The following CACNA2D3 variants were observed in gnomAD, a reference collection of about 807,000 sequenced individuals.
CACNA2D3 encodes the protein voltage-dependent calcium channel subunit alpha-2/delta-3.
CACNA2D3 carries 60 observed loss-of-function variants against 160.6 expected under a neutral mutation model. That is an observed-to-expected ratio of 0.37 (90% CI 0.30 to 0.46). The LOEUF is 0.46. Among genes scored for constraint, CACNA2D3 ranks in the 20% least tolerant of loss-of-function variants. The pLI, the probability that CACNA2D3 is intolerant of heterozygous loss-of-function variation, is 1.00. For synonymous variants in CACNA2D3, 558 were observed against 492.9 expected (o/e 1.13, Z -1.75); for missense variants, 1,205 against 1,365.0 (o/e 0.88, Z 1.85).
chr3:54,638,270 A>G (rs1699423632), intron 10 of CACNA2D3: 1 of 152,056 alleles, frequency 6.6e-6, no homozygotes, highest in Non-Finnish European at 1.5e-5. Context: ...CGAGCCATGA[A>G]CTGGGCTAGA....
intron 27 of CACNA2D3, among the ~76,000 whole-genome samples, chr3:54,933,811 C>T (rs1246697467): frequency 6.6e-6 from 1 of 150,604 alleles, no homozygotes; most frequent in African/African-American, 2.4e-5. Flanking sequence ...CAGGCCACTG[C>T]AGGCTAGAGT....
intron 11 of CACNA2D3, among the ~76,000 whole-genome samples, chr3:54,749,050 C>A (rs1367917601): frequency 6.6e-6 from 1 of 152,186 alleles, no homozygotes; most frequent in African/African-American, 2.4e-5. Flanking sequence ...AACATTTATT[C>A]TTCCTATGTT....
intron 11 of CACNA2D3, among the ~76,000 whole-genome samples, chr3:54,736,048 C>CATATATATATGTATATATAT (rs1312006818): frequency 2.9e-5 from 1 of 35,052 alleles, no homozygotes; most frequent in South Asian, 7.8e-4. Context: ...TATATATACA[C>CATATATATATGTATATATAT]ATACATATGT....
chr3:54,435,138 G>T (rs1235041205), intron 4 of CACNA2D3, among the ~76,000 whole-genome samples: 1 of 152,050 alleles, frequency 6.6e-6, no homozygotes, highest in East Asian at 1.9e-4. Flanking sequence ...GGGACTCAGT[G>T]GGTTTCCACT....
intron 17 of CACNA2D3, among the ~76,000 whole-genome samples, chr3:54,857,648 A>C (rs1699202129): frequency 6.6e-6 from 1 of 152,186 alleles, no homozygotes; most frequent in Non-Finnish European, 1.5e-5. Context: ...ATCCCTGTCA[A>C]ATAAAAACTT....
At position 54,562,676 on chromosome 3, in the gene CACNA2D3, C is replaced by A. The variant is rs925666382; in HGVS notation, c.545-124C>A. On this transcript the variant is annotated intron_variant, in intron 5 of 37. Coordinates refer to ENST00000474759, the MANE Select transcript of CACNA2D3 (RefSeq NM_018398.3). ...CTAAACGTTTTTGTGGCTATAACTTCCTTCATAGCCTCCTGCAAGATGGAG... is the reference window on the plus strand; with the variant it reads ...CTAAACGTTTTTGTGGCTATAACTTACTTCATAGCCTCCTGCAAGATGGAG... 1.7e-5 allele frequency: 13 copies of A among 774,476 alleles called. No individual in the cohort carries two copies. In the South Asian group the frequency reaches 2.3e-4, roughly 14 times the overall value. 48.0% of individuals were successfully genotyped at this position (774,476 alleles called of 1,614,324 possible). A position where few individuals can be genotyped will look rare whatever the true frequency, so the allele number is the denominator to read the frequency against.
At chr3:54,749,872 A>T (rs1701826028) in intron 11 of CACNA2D3, among the ~76,000 whole-genome samples, 1 of 152,170 alleles carries the variant, frequency 6.6e-6, no homozygotes, top group East Asian at 1.9e-4. Context: ...CAATGAAACA[A>T]ATATAATACC....
In CACNA2D3 at chr3:54,919,111, G is replaced by T. The variant is rs533255467; in HGVS notation, c.2449+19243G>T. Reference sequence around the variant, plus strand: ...ACACACTAAATTGGCAATTACTTATGACCAAGAATTCATTAGAAGCCCAGT... The same window carrying T: ...ACACACTAAATTGGCAATTACTTATTACCAAGAATTCATTAGAAGCCCAGT... On this transcript the variant is annotated intron_variant, in intron 27 of 37. Coordinates refer to ENST00000474759, the MANE Select transcript of CACNA2D3 (RefSeq NM_018398.3). 9.9e-5 allele frequency among the ~76,000 whole-genome samples: 15 copies of T among 152,028 alleles called. No homozygotes were observed. The South Asian group carries it at 3.1e-3, about 32-fold the overall frequency.
intron 2 of CACNA2D3, among the ~76,000 whole-genome samples, chr3:54,160,564 C>T (rs1248595959): frequency 1.3e-5 from 2 of 152,260 alleles, no homozygotes; most frequent in Non-Finnish European, 1.5e-5. Context: ...AGAGCCCCAG[C>T]TCTAGAATGG....
At chr3:54,485,475 G>C (rs983767648) in intron 4 of CACNA2D3, among the ~76,000 whole-genome samples, 3 of 152,212 alleles carry the variant, frequency 2.0e-5, no homozygotes, top group East Asian at 3.9e-4. Context: ...GAGCCGTCTA[G>C]CAATCAGTGT....
chr3:54,948,107 C>T (rs955121387), intron 27 of CACNA2D3, among the ~76,000 whole-genome samples: 2 of 152,212 alleles, frequency 1.3e-5, no homozygotes, highest in Non-Finnish European at 2.9e-5. Flanking sequence ...CAAGTGCTCT[C>T]GACCTTCCTA....
intron 33 of CACNA2D3, among the ~76,000 whole-genome samples, chr3:55,008,989 A>G (rs1386677330): frequency 6.6e-6 from 1 of 151,800 alleles, no homozygotes; most frequent in Non-Finnish European, 1.5e-5. Flanking sequence ...ACTACAGTTC[A>G]TAGTCTTGGT....
At chr3:55,010,207 G>A (rs1703179225) in intron 34 of CACNA2D3, among the ~76,000 whole-genome samples, 1 of 152,068 alleles carries the variant, frequency 6.6e-6, no homozygotes, top group African/African-American at 2.4e-5. Context: ...ACACAAAGAA[G>A]GGAACAGCAG....
intron 27 of CACNA2D3, among the ~76,000 whole-genome samples, chr3:54,907,907 C>A (rs1055835560): frequency 6.6e-6 from 1 of 152,150 alleles, no homozygotes; most frequent in African/African-American, 2.4e-5. Flanking sequence ...ATCAGTACTT[C>A]ATTTTTAAAT....
intron 9 of CACNA2D3, among the ~76,000 whole-genome samples, chr3:54,599,071 C>T (rs984888730): frequency 6.6e-6 from 1 of 152,082 alleles, no homozygotes; most frequent in African/African-American, 2.4e-5. Flanking sequence ...AAAATCGCGC[C>T]CTATTGAGTT....
At chr3:54,706,468 G>C (rs913116475) in intron 11 of CACNA2D3, among the ~76,000 whole-genome samples, 2 of 152,184 alleles carry the variant, frequency 1.3e-5, no homozygotes, top group African/African-American at 2.4e-5. Flanking sequence ...GCAAGTGGAT[G>C]GCTGACATAT....
intron 13 of CACNA2D3, among the ~76,000 whole-genome samples, chr3:54,765,719 T>TA (rs1702211826): frequency 6.6e-6 from 1 of 152,058 alleles, no homozygotes; most frequent in African/African-American, 2.4e-5. Context: ...TTCATCAATT[T>TA]AAAAAAATAT....
chr3:54,964,874 A>G (rs1269439489), intron 27 of CACNA2D3, among the ~76,000 whole-genome samples: 1 of 152,022 alleles, frequency 6.6e-6, no homozygotes, highest in Non-Finnish European at 1.5e-5. Flanking sequence ...CGCTCAAGAA[A>G]TAATGAGCTC....
chr3:54,187,501 T>C (rs4927988), intron 2 of CACNA2D3, among the ~76,000 whole-genome samples: 149,702 of 152,224 alleles, frequency 0.98, 73,624 homozygotes, highest in East Asian at 1. Flanking sequence ...TGGAGGGTAA[T>C]GGGATCTATG....
Sources: allele counts gnomAD v4.1 joint callset (sites outside exome capture counted in the v4.1 genomes callset), GRCh38; gene constraint gnomAD v4.1.1; transcripts MANE v1.5; gene names NCBI Gene and HGNC (gene_info 2026-07-23, HGNC 2026-07-21).